ATM: variants seen among roughly 807,000 people sequenced by gnomAD.
The protein encoded by ATM is serine-protein kinase ATM.
In ATM, 308 loss-of-function variants were observed where a neutral mutation model predicts 387.0. The observed-to-expected ratio is 0.80, with a 90% CI of 0.73 to 0.87. The LOEUF is 0.87. Among genes scored for constraint, ATM ranks in the 40% least tolerant of loss-of-function variants. The pLI is 0.00. For synonymous variants in ATM, 1,156 were observed against 1,187.3 expected (o/e 0.97, Z 0.54); for missense variants, 3,312 against 3,560.9 (o/e 0.93, Z 1.78).
chr11:108,283,971 G>A (rs991111659), intron 25 of ATM, among the ~76,000 whole-genome samples: 3 of 151,952 alleles, frequency 2.0e-5, no homozygotes, highest in African/African-American at 2.4e-5. Flanking sequence ...TTTGCTAAGG[G>A]TGCTACTGAA....
intron 22 of ATM, among the ~76,000 whole-genome samples, chr11:108,276,844 A>T (rs942252257): frequency 2.0e-5 from 3 of 152,190 alleles, no homozygotes; most frequent in East Asian, 1.9e-4. Context: ...CACGGGGGTC[A>T]GGGACCCACT....
chr11:108,238,538 ATTGTTT>A (rs2079411337), intron 5 of ATM, among the ~76,000 whole-genome samples: 1 of 152,138 alleles, frequency 6.6e-6, no homozygotes. Flanking sequence ...TTGTAATTGC[ATTGTTT>A]TTAACATTTT....
intron 61 of ATM, among the ~76,000 whole-genome samples, chr11:108,360,821 C>G (rs2090640702): frequency 9.7e-6 from 1 of 102,872 alleles, no homozygotes; most frequent in Non-Finnish European, 1.9e-5. Context: ...CTATCTATGA[C>G]AAACCCAGAG....
In ATM at chr11:108,289,743, G is replaced by T. The variant is rs1060501675; in HGVS notation, c.4378G>T (p.Ala1460Ser). Reference protein sequence around the residue: ...LKDIKSGLGGAWAFVLRDVIY... With the variant: ...LKDIKSGLGGSWAFVLRDVIY... ...AGATATAAAAAGTGGCTTAGGAGGA[G>T]CTTGGGCCTTTGTTCTTCGAGACGT... is the stretch of plus-strand genomic sequence containing the variant. Residue 1460 changes from alanine (A) to serine (S), a missense_variant, in exon 29 of 63, where the codon GCT (alanine) becomes TCT (serine). By Grantham distance (99) the Ala-to-Ser change is moderately conservative. This residue lies in a region of ATM where 1,791 missense variants were observed against 1,804.5 expected (regional missense o/e 0.99). Coordinates refer to ENST00000675843, the MANE Select transcript of ATM (RefSeq NM_000051.4). 1 of 1,613,730 alleles carries T rather than the reference G, an allele frequency of 6.2e-7. No homozygotes were observed. Among genetic ancestry groups the T allele is most frequent in the African/African-American group, 1.3e-5 (1 of 75,050 alleles).
chr11:108,243,275 A>G (rs1328881282), intron 5 of ATM, among the ~76,000 whole-genome samples: 1 of 152,024 alleles, frequency 6.6e-6, no homozygotes, highest in African/African-American at 2.4e-5. Context: ...ATAGGTCTCA[A>G]CACATTTTTT....
chr11:108,290,241 A>G (rs949879014), intron 29 of ATM: 1 of 154,234 alleles, frequency 6.5e-6, no homozygotes, highest in African/African-American at 2.4e-5. Flanking sequence ...GCTTTTTAAG[A>G]TGTCTATTAT....
At position 108,300,572 on chromosome 11, in the gene ATM, C is replaced by A. The variant is rs188175383; in HGVS notation, c.5177+687C>A. 6.6e-5 allele frequency among the ~76,000 whole-genome samples: 10 copies of A among 152,252 alleles called. No individual in the cohort carries two copies. In the East Asian group the frequency reaches 1.9e-3, roughly 29 times the overall value. On this transcript the variant is annotated intron_variant, in intron 34 of 62. Coordinates refer to ENST00000675843, the MANE Select transcript of ATM (RefSeq NM_000051.4). ...GTGTTTTGATTTTTTTCTGTACTTC[C>A]CTTCCTCCTTCTCTTGAGGAATAAA...
chr11:108,282,339 G>A (rs1182503788), intron 24 of ATM, among the ~76,000 whole-genome samples: 1 of 152,114 alleles, frequency 6.6e-6, no homozygotes, highest in Non-Finnish European at 1.5e-5. Context: ...TGTTGCCCAA[G>A]CTGGTCTTGA....
At chr11:108,307,190 C>T (rs948548577) in intron 37 of ATM, among the ~76,000 whole-genome samples, 3 of 151,088 alleles carry the variant, frequency 2.0e-5, no homozygotes, top group African/African-American at 7.3e-5. Flanking sequence ...CGCTGTGTCA[C>T]CCAGGCTGGA....
Position 108,365,745 on chromosome 11 carries a change from G to A in ATM, c.*237G>A, listed in dbSNP as rs185904823. ...AATGGTCATTCGGGCTGGGCGCAGC[G>A]GCTCACGCCTGTAATCCCAGCACTT... On this transcript the variant is annotated 3_prime_UTR_variant, in exon 63 of 63. Coordinates refer to ENST00000675843, the MANE Select transcript of ATM (RefSeq NM_000051.4). 134 of 554,152 alleles carry A rather than the reference G, an allele frequency of 2.4e-4. No individual in the cohort carries two copies. Among genetic ancestry groups the A allele is most frequent in the Non-Finnish European group, 3.3e-4 (105 of 322,426 alleles). The allele number at this position is 554,152 out of a possible 1,614,324, so 34.3% of individuals were successfully genotyped here.
chr11:108,248,908 A>G (rs1041719545), intron 8 of ATM, 25 bp from the exon 9 acceptor site: 1 of 1,582,940 alleles, frequency 6.3e-7, no homozygotes, highest in East Asian at 2.3e-5. Context: ...AAAAAGAAAA[A>G]AGTGGATTTA....
chr11:108,249,210 G>T, intron 9 of ATM, 108 bp downstream of exon 9: 1 of 1,281,394 alleles, frequency 7.8e-7, no homozygotes, highest in Non-Finnish European at 1.1e-6. Context: ...TAAGTCATTT[G>T]TCTACCCCCA....
intron 5 of ATM, among the ~76,000 whole-genome samples, chr11:108,242,508 G>T (rs1363701996): frequency 1.2e-4 from 18 of 152,156 alleles, no homozygotes; most frequent in Admixed American, 1.2e-3. Flanking sequence ...CCCCTTTGTA[G>T]ATGACATGAT....
At chr11:108,317,674 C>CACTA (rs1348508969) in intron 43 of ATM, among the ~76,000 whole-genome samples, 153 bp downstream of exon 43, 3 of 129,296 alleles carry the variant, frequency 2.3e-5, no homozygotes, top group East Asian at 2.4e-4. Flanking sequence ...CACACACACA[C>CACTA]TATATATATA....
chr11:108,234,042 G>A (rs1257683171), intron 4 of ATM, among the ~76,000 whole-genome samples: 2 of 152,052 alleles, frequency 1.3e-5, no homozygotes, highest in Non-Finnish European at 2.9e-5. Context: ...GGGCTTTTAC[G>A]TCAGAATATA....
intron 53 of ATM, 126 bp downstream of exon 53, chr11:108,333,026 A>G: frequency 8.2e-7 from 1 of 1,225,176 alleles, no homozygotes; most frequent in Non-Finnish European, 1.1e-6. Context: ...AGCTTAATTT[A>G]TATCTGATGG....
chr11:108,235,906 C>T (rs2135128755), intron 5 of ATM, 72 bp downstream of exon 5: 1 of 1,537,262 alleles, frequency 6.5e-7, no homozygotes, highest in Non-Finnish European at 9.0e-7. Context: ...AGCACTCTGT[C>T]TGTATCTGTC....
At chr11:108,251,667 A>G (rs1179666874) in intron 10 of ATM, among the ~76,000 whole-genome samples, 170 bp from the exon 11 acceptor site, 1 of 152,222 alleles carries the variant, frequency 6.6e-6, no homozygotes, top group East Asian at 1.9e-4. Context: ...CTGTTAATAA[A>G]CGAGCTATTT....
chr11:108,317,883 A>T (rs1221247388), intron 43 of ATM, among the ~76,000 whole-genome samples: 1 of 151,894 alleles, frequency 6.6e-6, no homozygotes, highest in East Asian at 1.9e-4. Flanking sequence ...CAGAAATATG[A>T]AAAGGGTTTT....
Sources: allele counts gnomAD v4.1 joint callset (sites outside exome capture counted in the v4.1 genomes callset), GRCh38; gene constraint gnomAD v4.1.1; regional missense constraint gnomAD v4.1.1; transcripts MANE v1.5; gene names NCBI Gene and HGNC (gene_info 2026-07-23, HGNC 2026-07-21).